AKAP9: variants seen among roughly 807,000 people sequenced by gnomAD.
AKAP9 encodes A-kinase anchor protein 9.
In AKAP9, 311 loss-of-function variants were observed where a neutral mutation model predicts 488.5. The observed-to-expected ratio is 0.64, with a 90% confidence interval of 0.58 to 0.70. AKAP9 has a LOEUF of 0.70. Among genes scored for constraint, AKAP9 ranks in the 30% least tolerant of loss-of-function variants. The pLI, the probability that AKAP9 is intolerant of heterozygous loss-of-function variation, is 0.00. For missense variants in AKAP9, 4,215 were observed against 4,374.5 expected (o/e 0.96, Z 1.03); for synonymous variants, 1,462 against 1,483.5 (o/e 0.99, Z 0.33).
Position 92,107,154 on chromosome 7 carries a change from GAAT to G in AKAP9, c.11417-134_11417-132del, listed in dbSNP as rs1174980065. The G allele has an allele frequency of 9.1e-6, 8 of 882,670 alleles. No individual in the cohort carries two copies. In the Admixed American group the frequency reaches 2.1e-4, roughly 23 times the overall value. The allele number at this position is 882,670 out of a possible 1,614,324, so 54.7% of individuals were successfully genotyped here. On this transcript the variant is annotated intron_variant, in intron 47 of 49. Transcript: ENST00000356239. ...TTTGTACTGTTTTCTCCTTTATCAA[GAAT>G]AATAGAAAATGACTATAAATAGGAG...
At position 91,947,212 on chromosome 7, in the gene AKAP9, AAG is replaced by A. The variant is rs577771639; in HGVS notation, c.48+6069_48+6070del. Among the ~76,000 whole-genome samples the A allele has an allele frequency of 8.0e-5, 12 of 149,938 alleles. No individual in the cohort carries two copies. In the South Asian group the frequency reaches 1.1e-3, roughly 13 times the overall value. On this transcript the variant is annotated intron_variant, in intron 1 of 49. Coordinates refer to ENST00000356239, the MANE Select transcript of AKAP9 (RefSeq NM_005751.5). ...TGTGTGTGTGCTGGAGAGAGGGAGA[AAG>A]AGAATTTATAATACTGCTATCTGGT...
At chr7:91,959,718 C>G (rs960299823) in intron 1 of AKAP9, among the ~76,000 whole-genome samples, 2 of 151,914 alleles carry the variant, frequency 1.3e-5, no homozygotes, top group African/African-American at 4.8e-5. Flanking sequence ...TGGTCCAAAA[C>G]CTTTATTTAA....
intron 38 of AKAP9, chr7:92,090,217 CCAAGTTACTGCATTTTT>C (rs1292887220): frequency 6.6e-6 from 1 of 152,174 alleles, no homozygotes; most frequent in African/African-American, 2.4e-5. Flanking sequence ...CAACATTCTT[CCAAGTTACTGCATTTTT>C]CAAGTTACTG....
chr7:91,958,351 G>A (rs1793310535), intron 1 of AKAP9, among the ~76,000 whole-genome samples: 1 of 151,926 alleles, frequency 6.6e-6, no homozygotes, highest in Non-Finnish European at 1.5e-5. Context: ...CCTTGCTTTG[G>A]GCATTCTCCT....
intron 3 of AKAP9, among the ~76,000 whole-genome samples, chr7:91,990,186 TGAA>T (rs1363922092): frequency 5.3e-5 from 8 of 152,074 alleles, no homozygotes; most frequent in Non-Finnish European, 1.2e-4. Context: ...TTTTTTCAGT[TGAA>T]GGAGTCTGTT....
intron 3 of AKAP9, among the ~76,000 whole-genome samples, chr7:91,991,943 A>C (rs1008827202): frequency 2.0e-5 from 3 of 152,218 alleles, no homozygotes; most frequent in African/African-American, 7.2e-5. Flanking sequence ...TGTCTTTTGC[A>C]TTGTAAGCAC....
chr7:92,026,651 C>G (rs908478373), intron 14 of AKAP9, among the ~76,000 whole-genome samples: 1 of 152,214 alleles, frequency 6.6e-6, no homozygotes, highest in African/African-American at 2.4e-5. Flanking sequence ...GTTGCCCAGG[C>G]TGGAGTGCGT....
intron 22 of AKAP9, among the ~76,000 whole-genome samples, chr7:92,059,617 A>T (rs1809395770): frequency 6.6e-6 from 1 of 151,868 alleles, no homozygotes; most frequent in South Asian, 2.1e-4. Context: ...TTATATCCTT[A>T]TAGTAAATTT....
In AKAP9 at chr7:92,079,586, T is replaced by G; in HGVS notation, c.7453T>G (p.Ser2485Ala). Residue 2485 changes from serine (S) to alanine (A), a missense_variant, in exon 31 of 50, where the codon TCT becomes GCT. Physicochemically the swap from Ser to Ala is moderately conservative, Grantham distance 99. Coordinates refer to ENST00000356239, the MANE Select transcript of AKAP9 (RefSeq NM_005751.5). ...CCTAGAAAATCAGACATACTTCAAATCTTTTGAAGAAAATGGCAAAGGTTC... is the reference window on the plus strand; with the variant it reads ...CCTAGAAAATCAGACATACTTCAAAGCTTTTGAAGAAAATGGCAAAGGTTC... ...KSLENQTYFK[S>A]FEENGKGSII... 6.2e-7 allele frequency: 1 copy of G among 1,613,828 alleles called. No homozygotes were observed. Among genetic ancestry groups the G allele is most frequent in the Non-Finnish European group, 8.5e-7 (1 of 1,179,986 alleles).
chr7:91,973,867 A>G lies in AKAP9; in HGVS notation c.205A>G (p.Ser69Gly), dbSNP rs1333724243. 1.9e-6 allele frequency: 3 copies of G among 1,614,142 alleles called. No homozygotes were observed. Among genetic ancestry groups the G allele is most frequent in the East Asian group, 4.5e-5 (2 of 44,866 alleles). The change falls in exon 2 of 50, where the codon AGT becomes GGT. Residue 69 changes from serine to glycine, a missense_variant. By Grantham distance (56) the Ser-to-Gly change is moderately conservative. Transcript: ENST00000356239. ...ACAGTGTAATGAAATGTACATAAAT[A>G]GTTCTCAGAGAGTAGAATCAACTGT... ...QSQCNEMYIN[S>G]SQRVESTVIP...
intron 45 of AKAP9, 92 bp from the exon 46 acceptor site, chr7:92,102,502 C>G: frequency 1.0e-6 from 1 of 960,280 alleles, no homozygotes; most frequent in South Asian, 1.4e-5. Context: ...ACCACCACCA[C>G]CACTACTTGT....
intron 39 of AKAP9, 81 bp downstream of exon 39, chr7:92,093,397 A>G: frequency 8.4e-7 from 1 of 1,189,922 alleles, no homozygotes; most frequent in Non-Finnish European, 1.2e-6. Context: ...ATATAGAGAA[A>G]TGTAACATGC....
intron 1 of AKAP9, among the ~76,000 whole-genome samples, chr7:91,965,202 C>G (rs1794287731): frequency 6.6e-6 from 1 of 152,158 alleles, no homozygotes; most frequent in African/African-American, 2.4e-5. Flanking sequence ...CACCTTCCTA[C>G]TCTTCCCAGT....
At position 92,045,830 on chromosome 7, in the gene AKAP9, CTTTTTT is replaced by C. The variant is rs35346628; in HGVS notation, c.5368+633_5368+638del. On this transcript the variant is annotated intron_variant, in intron 21 of 49. Coordinates refer to ENST00000356239, the MANE Select transcript of AKAP9 (RefSeq NM_005751.5). ...GTGGATTCAGCTCTTCTTTCCGTTTCTTTTTTTTTTTTTTTTTTTTTGAGACAGAGT... is the reference window on the plus strand; with the variant it reads ...GTGGATTCAGCTCTTCTTTCCGTTTCTTTTTTTTTTTTTTTGAGACAGAGT... 8.1e-4 allele frequency among the ~76,000 whole-genome samples: 88 copies of C among 108,890 alleles called. 1 individual carries two copies. The highest frequency in any genetic ancestry group is 9.8e-4 in the Admixed American group (9 of 9,226). The allele number at this position is 108,890 out of a possible 152,430, so 71.4% of individuals were successfully genotyped here.
chr7:91,970,944 G>A lies in AKAP9; in HGVS notation c.49-2767G>A, dbSNP rs74539133. Among the ~76,000 whole-genome samples the A allele has an allele frequency of 1.9e-3, 290 of 152,090 alleles. 1 individual carries two copies. The highest frequency in any genetic ancestry group is 6.8e-3 in the African/African-American group (281 of 41,482). On this transcript the variant is annotated intron_variant, in intron 1 of 49. Transcript: ENST00000356239. Reference sequence around the variant, plus strand: ...TCTTGAATAAGATTTCTACCCCCTTGCATTAAAGTTAGGCATTATATTATG... The same window carrying A: ...TCTTGAATAAGATTTCTACCCCCTTACATTAAAGTTAGGCATTATATTATG...
chr7:91,943,223 C>A (rs1054167189), intron 1 of AKAP9, among the ~76,000 whole-genome samples: 11 of 151,454 alleles, frequency 7.3e-5, no homozygotes, highest in African/African-American at 1.2e-4. Context: ...CAAAAAAAAA[C>A]CCCTGGAAAT....
At chr7:92,093,836 A>AT (rs1032741528) in intron 39 of AKAP9, among the ~76,000 whole-genome samples, 4 of 151,758 alleles carry the variant, frequency 2.6e-5, no homozygotes, top group South Asian at 2.1e-4. Flanking sequence ...TTATTTATTT[A>AT]TTTATTTTAT....
rs181742270 is a variant in AKAP9, at chr7:92,065,568, T to G, written c.6210+105T>G. The G allele has an allele frequency of 1.5e-3, 1,211 of 825,230 alleles. 3 individuals carry two copies. The highest frequency in any genetic ancestry group is 2.0e-3 in the Non-Finnish European group (1,038 of 513,986). The allele number at this position is 825,230 out of a possible 1,614,324, so 51.1% of individuals were successfully genotyped here. On this transcript the variant is annotated intron_variant, in intron 25 of 49. Transcript: ENST00000356239. ...ATGAAAAGACTGTTGAGTTAGTTTT[T>G]CAGTGTTTTATTAGGTGTCGAATCT...
rs759772877 is a variant in AKAP9, at chr7:92,079,260, C to A, written c.7127C>A (p.Ser2376Tyr). The A allele has an allele frequency of 6.2e-7, 1 of 1,614,026 alleles. No individual in the cohort carries two copies. The highest frequency in any genetic ancestry group is 8.5e-7 in the Non-Finnish European group (1 of 1,179,988). Residue 2376 changes from serine (S) to tyrosine (Y), a missense_variant, in exon 31 of 50, where the codon TCC becomes TAC. Physicochemically the swap from Ser to Tyr is moderately radical, Grantham distance 144. This residue lies in a region of AKAP9 where 1,476 missense variants were observed against 1,477.4 expected (regional missense o/e 1.00). Coordinates refer to ENST00000356239, the MANE Select transcript of AKAP9 (RefSeq NM_005751.5). ...IGQKTSMNAHSLSEEADSLKH... is the reference protein window; with the variant it reads ...IGQKTSMNAHYLSEEADSLKH... ...CAGAAGACATCAATGAATGCTCATTCCCTCTCAGAAGAAGCAGACAGTTTA... is the reference window on the plus strand; with the variant it reads ...CAGAAGACATCAATGAATGCTCATTACCTCTCAGAAGAAGCAGACAGTTTA...
Sources: allele counts gnomAD v4.1 joint callset (sites outside exome capture counted in the v4.1 genomes callset), GRCh38; gene constraint gnomAD v4.1.1; regional missense constraint gnomAD v4.1.1; transcripts MANE v1.5; gene names NCBI Gene and HGNC (gene_info 2026-07-23, HGNC 2026-07-21).